The following CCDC3 variants were observed in gnomAD, a reference collection of about 807,000 sequenced individuals.
The protein encoded by CCDC3 is coiled-coil domain containing 3, also known as coiled-coil domain-containing protein 3.
CCDC3 carries 24 observed loss-of-function variants against 21.4 expected under a neutral mutation model. That is an observed-to-expected ratio of 1.12 (90% CI 0.81 to 1.58). The LOEUF is 1.58. Among genes scored for constraint, CCDC3 ranks in the 40% most tolerant of loss-of-function variants. CCDC3 has a pLI of 0.00. For missense variants in CCDC3, 425 were observed against 360.9 expected (o/e 1.18, Z -1.44); for synonymous variants, 186 against 166.0 (o/e 1.12, Z -0.93).
intron 2 of CCDC3, among the ~76,000 whole-genome samples, chr10:12,980,556 A>G (rs910012617): frequency 2.0e-5 from 3 of 152,152 alleles, no homozygotes; most frequent in Admixed American, 2.0e-4. Context: ...GTGGAGGAAG[A>G]AAGGCTTAGG....
intron 3 of CCDC3, among the ~76,000 whole-genome samples, chr10:13,089,023 T>G (rs546644403): frequency 4.8e-5 from 7 of 145,482 alleles, no homozygotes; most frequent in South Asian, 4.3e-4. Flanking sequence ...AAAAAAAAAA[T>G]AAAAGAAGAA....
At chr10:13,050,823 G>A (rs900884700) in intron 4 of CCDC3, among the ~76,000 whole-genome samples, 1 of 151,622 alleles carries the variant, frequency 6.6e-6, no homozygotes, top group Non-Finnish European at 1.5e-5. Flanking sequence ...AGGTCTCACT[G>A]TAACCCAGGC....
At position 13,001,557 on chromosome 10, in the gene CCDC3, A is replaced by G. The variant is rs1835855826; in HGVS notation, c.14T>C (p.Leu5Pro). Reference protein sequence around the residue: MLRQLLLAALCLAGP... With the variant: MLRQPLLAALCLAGP... ...CGCCAGGCAGAGCGCGGCGAGCAGC[A>G]GCTGGCGCAGCATGCCGGGCCCTCC... The change falls in exon 1 of 3, where the codon CTG becomes CCG. Residue 5 changes from leucine to proline, a missense_variant. Physicochemically the swap from Leu to Pro is moderately conservative, Grantham distance 98. Coordinates refer to ENST00000378825, the MANE Select transcript of CCDC3 (RefSeq NM_031455.4). The G allele has an allele frequency of 2.0e-5, 25 of 1,253,088 alleles. No individual in the cohort carries two copies. In the South Asian group the frequency reaches 5.1e-4, roughly 25 times the overall value. 77.6% of individuals were successfully genotyped at this position (1,253,088 alleles called of 1,614,324 possible).
intron 2 of CCDC3, among the ~76,000 whole-genome samples, chr10:12,952,480 A>G (rs1564296615): frequency 6.6e-6 from 1 of 152,200 alleles, no homozygotes; most frequent in Non-Finnish European, 1.5e-5. Flanking sequence ...ATTTCTCTCC[A>G]GCTTGAAATG....
chr10:12,959,965 C>A (rs1835153809), intron 2 of CCDC3, among the ~76,000 whole-genome samples: 1 of 152,144 alleles, frequency 6.6e-6, no homozygotes, highest in Non-Finnish European at 1.5e-5. Flanking sequence ...ACCAGCCTGG[C>A]CAACATGGCG....
chr10:12,995,164 T>C (rs1835741958), intron 2 of CCDC3, among the ~76,000 whole-genome samples: 2 of 152,158 alleles, frequency 1.3e-5, no homozygotes, highest in Non-Finnish European at 2.9e-5. Flanking sequence ...AAAAATATCT[T>C]AGGGAGCATC....
chr10:13,002,388 G>GTTTTA (rs1564316477), upstream of CCDC3, among the ~76,000 whole-genome samples: 1 of 151,778 alleles, frequency 6.6e-6, no homozygotes, highest in African/African-American at 2.4e-5. Flanking sequence ...TTTTTGTTTT[G>GTTTTA]TTTTTTGTTT....
chr10:13,071,367 C>G (rs1385226175), intron 4 of CCDC3, among the ~76,000 whole-genome samples: 2 of 152,180 alleles, frequency 1.3e-5, no homozygotes, highest in African/African-American at 4.8e-5. Flanking sequence ...GGAAAGAAAA[C>G]TGGATCTGAG....
intron 2 of CCDC3, among the ~76,000 whole-genome samples, chr10:12,973,738 C>G (rs1244816527): frequency 2.6e-5 from 4 of 151,632 alleles, no homozygotes; most frequent in Non-Finnish European, 4.4e-5. Context: ...GTAAACCTGA[C>G]CCAGGTTTTA....
At chr10:12,956,625 T>C (rs1474017619) in intron 2 of CCDC3, among the ~76,000 whole-genome samples, 1 of 152,234 alleles carries the variant, frequency 6.6e-6, no homozygotes, top group African/African-American at 2.4e-5. Flanking sequence ...CCCGGGCAGG[T>C]AATGTAATCT....
In CCDC3 at chr10:12,923,455, C is replaced by T. The variant is rs534270044; in HGVS notation, c.550-24776G>A. Reference sequence around the variant, plus strand: ...GCCCTTTCCACCGGCTTAAGTGGCACCGTTTGCATGGCCAATGTGATGCTA... The same window carrying T: ...GCCCTTTCCACCGGCTTAAGTGGCATCGTTTGCATGGCCAATGTGATGCTA... On this transcript the variant is annotated intron_variant, in intron 2 of 2. Coordinates refer to ENST00000378825, the MANE Select transcript of CCDC3 (RefSeq NM_031455.4). Among the ~76,000 whole-genome samples the T allele has an allele frequency of 3.9e-5, 6 of 152,276 alleles. 1 individual carries two copies. The South Asian group carries it at 1.2e-3, about 32-fold the overall frequency.
At chr10:12,993,852 G>A (rs1835715610) in intron 2 of CCDC3, among the ~76,000 whole-genome samples, 1 of 152,150 alleles carries the variant, frequency 6.6e-6, no homozygotes, top group African/African-American at 2.4e-5. Context: ...TGCTGGAAAG[G>A]AACCAGAGTG....
intron 2 of CCDC3, among the ~76,000 whole-genome samples, chr10:12,906,383 G>T (rs1362006617): frequency 1.3e-5 from 2 of 152,180 alleles, no homozygotes; most frequent in African/African-American, 4.8e-5. Context: ...GAAGAGGAAG[G>T]CGGAGATGGA....
chr10:13,008,380 A>G (rs1394938734), intron 5 of CCDC3, among the ~76,000 whole-genome samples: 6 of 152,184 alleles, frequency 3.9e-5, no homozygotes, highest in Admixed American at 1.3e-4. Flanking sequence ...AAGCAGGGTA[A>G]TGAGGATGTC....
At chr10:12,922,150 TC>T (rs1345481867) in intron 2 of CCDC3, among the ~76,000 whole-genome samples, 3 of 152,284 alleles carry the variant, frequency 2.0e-5, no homozygotes, top group Non-Finnish European at 2.9e-5. Flanking sequence ...TATCATCTGT[TC>T]AGCTTCTGCC....
At chr10:12,942,986 C>G (rs963973837) in intron 2 of CCDC3, among the ~76,000 whole-genome samples, 2 of 152,152 alleles carry the variant, frequency 1.3e-5, no homozygotes, top group Non-Finnish European at 2.9e-5. Context: ...AAAATGAAAC[C>G]TACAACAGAG....
intron 4 of CCDC3, among the ~76,000 whole-genome samples, chr10:13,050,940 C>A (rs1353508920): frequency 6.6e-6 from 1 of 152,004 alleles, no homozygotes; most frequent in Non-Finnish European, 1.5e-5. Flanking sequence ...GTGCACTCCA[C>A]CACACCCGGC....
chr10:12,990,068 C>T (rs1835657993), intron 2 of CCDC3, among the ~76,000 whole-genome samples: 1 of 151,858 alleles, frequency 6.6e-6, no homozygotes, highest in Non-Finnish European at 1.5e-5. Flanking sequence ...CTGGCTAACA[C>T]AGTGAAACCG....
rs575723230 is a variant in CCDC3 at position 13,048,338 on chromosome 10, C to T, written c.-2+1336G>A. Among the ~76,000 whole-genome samples the T allele has an allele frequency of 1.1e-4, 16 of 151,968 alleles. 1 individual carries two copies. In the Middle Eastern group the frequency reaches 0.01, roughly 98 times the overall value. ...TCCCTAGTAGCAGGGACTACAGGTG[C>T]GCACCACCACACCTGGCTAATTTTT... On this transcript the variant is annotated intron_variant, in intron 5 of 6. Transcript: ENST00000378839.
Sources: allele counts gnomAD v4.1 joint callset (sites outside exome capture counted in the v4.1 genomes callset), GRCh38; gene constraint gnomAD v4.1.1; transcripts MANE v1.5; gene names NCBI Gene and HGNC (gene_info 2026-07-23, HGNC 2026-07-21).